The following ZNF511 variants were observed in gnomAD, a reference collection of about 807,000 sequenced individuals.
ZNF511 encodes zinc finger protein 511.
ZNF511 carries 26 observed loss-of-function variants against 24.8 expected under a neutral mutation model. The ratio of observed to expected loss-of-function variants is 1.05; its 90% confidence interval spans 0.77 to 1.46. ZNF511 has a LOEUF of 1.46. Ranked by LOEUF, ZNF511 falls within the 40% of genes most tolerant of loss-of-function variation. The pLI, the probability that ZNF511 is intolerant of heterozygous loss-of-function variation, is 0.00. For missense variants in ZNF511, 358 were observed against 345.0 expected, an observed-to-expected ratio of 1.04 and a Z score of -0.30; for synonymous variants, 144 against 139.6, an observed-to-expected ratio of 1.03 and a Z score of -0.22.
rs1031385363 is a variant in ZNF511, at chr10:133,312,370, G to A, written c.681-418G>A. 5 of 1,162,890 alleles carry A rather than the reference G, an allele frequency of 4.3e-6. No homozygotes were observed. The East Asian group carries it at 2.7e-4, about 62-fold the overall frequency. 72.0% of individuals were successfully genotyped at this position (1,162,890 alleles called of 1,614,324 possible). ...TTGGGAAAAACGGTGAACAAGTGGG[G>A]AAAAACATCACCAAAGACTCCAAAC... On this transcript the variant is annotated intron_variant, in intron 5 of 5. Transcript: ENST00000361518.
intron 3 of ZNF511, 93 bp from the exon 4 acceptor site, chr10:133,310,071 G>C: frequency 1.9e-6 from 3 of 1,609,640 alleles, no homozygotes; most frequent in South Asian, 1.1e-5. Context: ...GCAAGGCCGG[G>C]GACACCTTTC....
In ZNF511 at chr10:133,311,744, A is replaced by G. The variant is rs1847993959; in HGVS notation, c.583A>G (p.Ser195Gly). The G allele has an allele frequency of 1.2e-6, 2 of 1,613,522 alleles. No individual in the cohort carries two copies. Among genetic ancestry groups the G allele is most frequent in the African/African-American group, 1.3e-5 (1 of 74,950 alleles). ...AGCCTCAGCAGAAGCCCCAGGGGAC[A>G]GTGGAGAGCGGTCAGAAGGGGAGGC... ...SPASAEAPGDSGERSEGEAME... is the reference protein window; with the variant it reads ...SPASAEAPGDGGERSEGEAME... Residue 195 changes from serine (S) to glycine (G), a missense_variant, in exon 5 of 6, where the codon AGT becomes GGT. Physicochemically the swap from Ser to Gly is moderately conservative, Grantham distance 56. Transcript: ENST00000361518.
At chr10:133,311,952 G>A (rs763757519) in intron 5 of ZNF511, 111 bp downstream of exon 5, 12 of 1,612,478 alleles carry the variant, frequency 7.4e-6, no homozygotes, top group South Asian at 3.3e-5. Context: ...GAAAGGTAAC[G>A]CTGGGTAAGA....
chr10:133,309,889 G>A lies in ZNF511; in HGVS notation c.341G>A (p.Arg114Gln), dbSNP rs757706918. The A allele has an allele frequency of 3.1e-6, 5 of 1,613,596 alleles. No homozygotes were observed. The highest frequency in any genetic ancestry group is 2.7e-5 in the African/African-American group (2 of 74,922). Reference sequence around the variant, plus strand: ...GGAAATGTTTGCTCCTTTTGCAAGCGGGCCTTCCCTTCCGGACACCTGCTG... The same window carrying A: ...GGAAATGTTTGCTCCTTTTGCAAGCAGGCCTTCCCTTCCGGACACCTGCTG... The part of the protein sequence containing the change: ...LHGNVCSFCK[R>Q]AFPSGHLLDA... The change falls in exon 3 of 6, where the codon CGG (arginine) becomes CAG (glutamine). Residue 114 changes from arginine to glutamine, a missense_variant. Transcript: ENST00000361518.
At chr10:133,312,560 T>C in intron 5 of ZNF511, 2 of 1,417,740 alleles carry the variant, frequency 1.4e-6, no homozygotes, top group Non-Finnish European at 1.8e-6. Flanking sequence ...CCGCCCTCTC[T>C]GCGGAGTTCT....
chr10:133,312,715 A>C, intron 5 of ZNF511, 73 bp from the exon 6 acceptor site: 1 of 1,607,762 alleles, frequency 6.2e-7, no homozygotes, highest in Admixed American at 1.7e-5. Context: ...AGAAGGAGAC[A>C]CACAAGTGCT....
intron 4 of ZNF511, 196 bp downstream of exon 4, chr10:133,310,484 T>C: frequency 1.5e-6 from 1 of 673,598 alleles, no homozygotes; most frequent in African/African-American, 1.8e-5. Context: ...GAAGGGAGGC[T>C]GGAGGGGAGC....
intron 5 of ZNF511, 38 bp from the exon 6 acceptor site, chr10:133,312,750 C>T (rs1848019216): frequency 6.2e-7 from 1 of 1,613,878 alleles, no homozygotes; most frequent in Non-Finnish European, 8.5e-7. Flanking sequence ...TGTTGGTTGG[C>T]AAATACAGCA....
intron 5 of ZNF511, 135 bp downstream of exon 5, chr10:133,311,976 C>T (rs1441802812): frequency 1.2e-6 from 2 of 1,610,044 alleles, no homozygotes; most frequent in Admixed American, 3.4e-5. Context: ...TCGGCTTCCG[C>T]CAGAGAAGAA....
chr10:133,311,737 A>T lies in ZNF511; in HGVS notation c.576A>T (p.Pro192=). The T allele has an allele frequency of 1.9e-5, 30 of 1,613,576 alleles. No individual in the cohort carries two copies. Among genetic ancestry groups the T allele is most frequent in the Non-Finnish European group, 2.5e-5 (30 of 1,179,986 alleles). The change falls in exon 5 of 6, where the codon CCA becomes CCT. Residue 192 remains proline (P), a synonymous_variant. Coordinates refer to ENST00000361518, the MANE Select transcript of ZNF511 (RefSeq NM_145806.4). ...KSRSPASAEA[P]GDSGERSEGE... is the part of the protein sequence containing the mutation. ...GCAGCCCAGCCTCAGCAGAAGCCCC[A>T]GGGGACAGTGGAGAGCGGTCAGAAG...
chr10:133,312,350 A>G (rs1012533562), intron 5 of ZNF511: 6 of 1,158,382 alleles, frequency 5.2e-6, no homozygotes, highest in Admixed American at 4.6e-5. Context: ...TTAATTTGGG[A>G]AAAACGGTGA....
rs752931563 is a variant in ZNF511 at position 133,312,679 on chromosome 10, G to A, written c.681-109G>A. 14 of 1,581,058 alleles carry A rather than the reference G, an allele frequency of 8.9e-6. No homozygotes were observed. In the East Asian group the frequency reaches 1.1e-4, roughly 13 times the overall value. On this transcript the variant is annotated intron_variant, in intron 5 of 5. Transcript: ENST00000361518. Reference sequence around the variant, plus strand: ...CCCAGGAGGGCCGGCTCTGCATTCCGCATGTTCCCAGAGTGAAAGAGAATG... The same window carrying A: ...CCCAGGAGGGCCGGCTCTGCATTCCACATGTTCCCAGAGTGAAAGAGAATG...
intron 4 of ZNF511, 195 bp from the exon 5 acceptor site, chr10:133,311,521 A>G (rs1847987388): frequency 3.5e-6 from 2 of 574,556 alleles, no homozygotes; most frequent in African/African-American, 3.7e-5. Flanking sequence ...TCTATTATAT[A>G]AACAATGGCC....
Position 133,308,924 on chromosome 10 carries a change from G to A in ZNF511, c.-20G>A, listed in dbSNP as rs539433068. On this transcript the variant is annotated 5_prime_UTR_variant, in exon 1 of 6. Transcript: ENST00000361518. ...TCGCGGACGGTGGCCGACAGGCTGC[G>A]CCCGCCCGCGCCCGGGGTGATGCAG... is the stretch of plus-strand genomic sequence containing the variant. The A allele has an allele frequency of 6.9e-4, 839 of 1,214,752 alleles. 2 individuals carry two copies. In the African/African-American group the frequency reaches 8.6e-3, roughly 12 times the overall value. 75.2% of individuals were successfully genotyped at this position (1,214,752 alleles called of 1,614,324 possible). A position where few individuals can be genotyped will look rare whatever the true frequency, so the allele number is the denominator to read the frequency against.
chr10:133,312,925 G>C lies in ZNF511; in HGVS notation c.*59G>C. 1 of 1,611,512 alleles carries C rather than the reference G, an allele frequency of 6.2e-7. No individual in the cohort carries two copies. Among genetic ancestry groups the C allele is most frequent in the Non-Finnish European group, 8.5e-7 (1 of 1,179,074 alleles). On this transcript the variant is annotated 3_prime_UTR_variant, in exon 6 of 6. Transcript: ENST00000361518. Reference sequence around the variant, plus strand: ...CTGCTGGGCGTGGCATCCGCCTTGGGCCTTTCTCCGACCTTCTGGTGTGGC... The same window carrying C: ...CTGCTGGGCGTGGCATCCGCCTTGGCCCTTTCTCCGACCTTCTGGTGTGGC...
At chr10:133,310,369 C>G (rs1847963704) in intron 4 of ZNF511, 81 bp downstream of exon 4, 1 of 1,567,018 alleles carries the variant, frequency 6.4e-7, no homozygotes, top group East Asian at 2.2e-5. Flanking sequence ...CATAGACGGT[C>G]AGACTTATTA....
chr10:133,309,254 G>A (rs1330660999), intron 1 of ZNF511, 136 bp from the exon 2 acceptor site: 1 of 1,325,800 alleles, frequency 7.5e-7, no homozygotes, highest in Non-Finnish European at 1.0e-6. Flanking sequence ...GGGCCGGAAC[G>A]TGGAGTGGGC....
chr10:133,310,239 C>T lies in ZNF511; in HGVS notation c.505C>T (p.His169Tyr). The T allele has an allele frequency of 6.2e-7, 1 of 1,614,062 alleles. No individual in the cohort carries two copies. Among genetic ancestry groups the T allele is most frequent in the Non-Finnish European group, 8.5e-7 (1 of 1,180,042 alleles). ...CCGGAAGGATCACATGGTGAGGATG[C>T]ACCTGTACCCCGCGGACTTCCGGTT... The part of the protein sequence containing the change: ...RDRKDHMVRM[H>Y]LYPADFRFDK... The change falls in exon 4 of 6, where the codon CAC (histidine) becomes TAC (tyrosine). Residue 169 changes from histidine (H) to tyrosine (Y), a missense_variant. By Grantham distance (83) the His-to-Tyr change is moderately conservative. Transcript: ENST00000361518.
chr10:133,310,201 A>T lies in ZNF511; in HGVS notation c.467A>T (p.Lys156Met), dbSNP rs780621434. ...GTAGAAGGCTGCACAGAGAAGTTCA[A>T]GACCAGCAGAGACCGGAAGGATCAC... ...CLVEGCTEKFKTSRDRKDHMV... is the reference protein window; with the variant it reads ...CLVEGCTEKFMTSRDRKDHMV... The change falls in exon 4 of 6, where the codon AAG (lysine) becomes ATG (methionine). Residue 156 changes from lysine to methionine, a missense_variant. Lys to Met is a moderately conservative substitution (Grantham distance 95, BLOSUM62 -1). Transcript: ENST00000361518. 6.2e-7 allele frequency: 1 copy of T among 1,614,058 alleles called. No homozygotes were observed. The highest frequency in any genetic ancestry group is 2.2e-5 in the East Asian group (1 of 44,878).
Sources: gnomAD v4.1 joint callset for allele counts on GRCh38, gnomAD v4.1.1 for gene constraint, MANE v1.5 for transcripts, NCBI Gene and HGNC (gene_info 2026-07-23, HGNC 2026-07-21) for gene names.